Variants in STK38 observed in about 807,000 individuals in gnomAD.
The protein encoded by STK38 is serine/threonine-protein kinase 38.
In STK38, 26 loss-of-function variants were observed where a neutral mutation model predicts 59.0. That is an observed-to-expected ratio of 0.44 (90% CI 0.32 to 0.61). The LOEUF is 0.61. Ranked by LOEUF, STK38 falls within the 20% of genes least tolerant of loss-of-function variation. STK38 has a pLI of 0.04. For missense variants in STK38, 433 were observed against 566.0 expected (o/e 0.76, Z 2.38); for synonymous variants, 175 against 176.6 (o/e 0.99, Z 0.07).
rs570234402 is a variant in STK38, at chr6:36,504,046, T to C, written c.834+2537A>G. Among the ~76,000 whole-genome samples the C allele has an allele frequency of 2.5e-3, 374 of 152,352 alleles. 2 individuals are homozygous for C. The highest frequency in any genetic ancestry group is 3.4e-3 in the Middle Eastern group (1 of 294). On this transcript the variant is annotated intron_variant, in intron 9 of 13. Coordinates refer to ENST00000229812, the MANE Select transcript of STK38 (RefSeq NM_007271.4). ...AAAATTGCTATCTGGAATAGCTCTG[T>C]TGGTTGTTAACAGTCATTTCAACTG... is the stretch of plus-strand genomic sequence containing the variant.
At chr6:36,530,995 TA>T (rs1777655332) in intron 2 of STK38, among the ~76,000 whole-genome samples, 1 of 152,126 alleles carries the variant, frequency 6.6e-6, no homozygotes, top group East Asian at 1.9e-4. Context: ...CAGCCAGAAA[TA>T]CCCTAAAATT....
intron 2 of STK38, among the ~76,000 whole-genome samples, chr6:36,536,138 C>G (rs1777785091): frequency 1.3e-5 from 2 of 152,164 alleles, no homozygotes; most frequent in South Asian, 4.1e-4. Flanking sequence ...AATGAATTCA[C>G]ACCTATATGT....
intron 2 of STK38, among the ~76,000 whole-genome samples, chr6:36,527,191 CA>C (rs777770396): frequency 0.036 from 1,666 of 45,938 alleles, 23 homozygotes; most frequent in African/African-American, 0.091. Context: ...GACTCCGTCT[CA>C]AAAAAAAAAA....
intron 5 of STK38, among the ~76,000 whole-genome samples, chr6:36,519,987 A>G (rs1454419787): frequency 6.6e-6 from 1 of 152,230 alleles, no homozygotes; most frequent in African/African-American, 2.4e-5. Context: ...AAAGCAAACA[A>G]AAAAACAATT....
At chr6:36,499,739 T>G in intron 10 of STK38, 134 bp downstream of exon 10, 1 of 743,386 alleles carries the variant, frequency 1.3e-6, no homozygotes, top group South Asian at 1.6e-5. Context: ...AGGTGTCATC[T>G]GTCTAAAACA....
chr6:36,523,851 A>C (rs984172474), intron 4 of STK38, among the ~76,000 whole-genome samples: 16 of 152,178 alleles, frequency 1.1e-4, no homozygotes, highest in African/African-American at 3.9e-4. Context: ...GGAGAAATAA[A>C]GGGTGGAGAT....
chr6:36,533,599 T>C (rs1401048347), intron 2 of STK38, among the ~76,000 whole-genome samples: 5 of 152,220 alleles, frequency 3.3e-5, no homozygotes, highest in Non-Finnish European at 7.3e-5. Flanking sequence ...TTAATCACAA[T>C]GTATCATTTA....
intron 7 of STK38, among the ~76,000 whole-genome samples, chr6:36,514,103 C>T (rs904292089): frequency 1.0e-4 from 15 of 145,340 alleles, no homozygotes; most frequent in East Asian, 2.1e-4. Context: ...TGCAGTGAGC[C>T]GAGACTGCCC....
rs78764904 is a variant in STK38, at chr6:36,497,799, C to G, written c.1153G>C (p.Val385Leu). The G allele has an allele frequency of 8.4e-5, 136 of 1,612,584 alleles. No individual in the cohort carries two copies. The highest frequency in any genetic ancestry group is 1.1e-4 in the Non-Finnish European group (126 of 1,179,402). Residue 385 changes from valine to leucine, a missense_variant, in exon 12 of 14, where the codon GTT becomes CTT. This residue lies in a region of STK38 where 136 missense variants were observed against 156.7 expected (regional missense o/e 0.87). Coordinates refer to ENST00000229812, the MANE Select transcript of STK38 (RefSeq NM_007271.4). ...EIKSNSFFEGVDWEHIRERPA... is the reference protein window; with the variant it reads ...EIKSNSFFEGLDWEHIRERPA... Reference sequence around the variant, plus strand: ...ATATACCTGATATGTTCCCAGTCAACGCCTTCAAAAAAAGAGTTACTTTTT... The same window carrying G: ...ATATACCTGATATGTTCCCAGTCAAGGCCTTCAAAAAAAGAGTTACTTTTT...
At chr6:36,521,675 G>A (rs1465709472) in intron 5 of STK38, 59 bp downstream of exon 5, 1 of 1,323,154 alleles carries the variant, frequency 7.6e-7, no homozygotes. Context: ...TAAACAAAAA[G>A]AAAAGTTTTA....
At chr6:36,517,477 G>A (rs577968293) in intron 6 of STK38, among the ~76,000 whole-genome samples, 1 of 152,204 alleles carries the variant, frequency 6.6e-6, no homozygotes, top group East Asian at 1.9e-4. Context: ...AAGAAGAAAA[G>A]AAAGAAATGT....
At chr6:36,509,564 C>T (rs1190847733) in intron 7 of STK38, among the ~76,000 whole-genome samples, 1 of 139,188 alleles carries the variant, frequency 7.2e-6, no homozygotes, top group Non-Finnish European at 1.5e-5. Flanking sequence ...GCCTCGGAAC[C>T]TGGACTTTAA....
chr6:36,537,340 T>C (rs555748487), intron 2 of STK38, among the ~76,000 whole-genome samples: 79 of 152,332 alleles, frequency 5.2e-4, no homozygotes, highest in African/African-American at 1.7e-3. Context: ...AGCAGTTTCT[T>C]ATAAAACTAA....
At chr6:36,544,408 C>G (rs927509008) in intron 1 of STK38, among the ~76,000 whole-genome samples, 1 of 150,308 alleles carries the variant, frequency 6.7e-6, no homozygotes, top group Non-Finnish European at 1.5e-5. Flanking sequence ...CAGCCTGTAC[C>G]CCCCCCTCCA....
In STK38 at chr6:36,497,476, G is replaced by A. The variant is rs888929445; in HGVS notation, c.1172+304C>T. On this transcript the variant is annotated intron_variant, in intron 12 of 13. Coordinates refer to ENST00000229812, the MANE Select transcript of STK38 (RefSeq NM_007271.4). ...TGTGGGCAGGAACAGTCCCGCTGGC[G>A]GGACCTAAGAGGTTGCTGAGTTCTA... is the stretch of plus-strand genomic sequence containing the variant. Among the ~76,000 whole-genome samples, 22 of 152,322 alleles carry A rather than the reference G, an allele frequency of 1.4e-4. No homozygotes were observed. In the South Asian group the frequency reaches 1.7e-3, roughly 11 times the overall value.
intron 9 of STK38, among the ~76,000 whole-genome samples, chr6:36,504,482 A>T (rs621796): frequency 0.44 from 66,635 of 151,924 alleles, 16,467 homozygotes; most frequent in African/African-American, 0.65. Context: ...TGGGATCACT[A>T]ACAAAAGGTC....
chr6:36,513,007 AC>A (rs910484030), intron 7 of STK38, among the ~76,000 whole-genome samples: 4 of 151,112 alleles, frequency 2.6e-5, no homozygotes, highest in African/African-American at 9.7e-5. Context: ...CAAATTTTCT[AC>A]CATGTTTATG....
chr6:36,506,712 C>T, intron 8 of STK38, 68 bp from the exon 9 acceptor site: 1 of 1,428,244 alleles, frequency 7.0e-7, no homozygotes, highest in Non-Finnish European at 9.6e-7. Context: ...TTTTAGTAGG[C>T]TCTTTCAAGT....
At position 36,497,877 on chromosome 6, in the gene STK38, T is replaced by C; in HGVS notation, c.1077-2A>G. 6.2e-7 allele frequency: 1 copy of C among 1,604,990 alleles called. No homozygotes were observed. The highest frequency in any genetic ancestry group is 8.5e-7 in the Non-Finnish European group (1 of 1,176,974). ...CTATGTTCCCATTCACAGCAGAACCTGGAAAAGACAGAGGCCTTTCAGCAC... is the reference window on the plus strand; with the variant it reads ...CTATGTTCCCATTCACAGCAGAACCCGGAAAAGACAGAGGCCTTTCAGCAC... On this transcript the variant is annotated splice_acceptor_variant, in intron 11 of 13. Coordinates refer to ENST00000229812, the MANE Select transcript of STK38 (RefSeq NM_007271.4). LOFTEE classifies it high-confidence loss of function.
Sources: gnomAD v4.1 joint callset for allele counts (sites outside exome capture counted in the v4.1 genomes callset) on GRCh38, gnomAD v4.1.1 for gene constraint, gnomAD v4.1.1 regional missense constraint, MANE v1.5 for transcripts, NCBI Gene and HGNC (gene_info 2026-07-23, HGNC 2026-07-21) for gene names.